Variants in ITIH3 observed in about 807,000 individuals in gnomAD.
The protein encoded by ITIH3 is inter-alpha-trypsin inhibitor heavy chain H3.
In ITIH3, 81 loss-of-function variants were observed where a neutral mutation model predicts 96.5. That is an observed-to-expected ratio of 0.84 (90% CI 0.70 to 1.01). The LOEUF is 1.01. Ranked by LOEUF, ITIH3 falls within the 50% of genes least tolerant of loss-of-function variation. The pLI, the probability that ITIH3 is intolerant of heterozygous loss-of-function variation, is 0.00. For missense variants in ITIH3, 1,057 were observed against 1,139.3 expected, an observed-to-expected ratio of 0.93 and a Z score of 1.04; for synonymous variants, 422 against 445.2, an observed-to-expected ratio of 0.95 and a Z score of 0.66.
At position 52,802,364 on chromosome 3, in the gene ITIH3, C is replaced by G; in HGVS notation, c.1414C>G (p.Leu472Val). The change falls in exon 12 of 22, where the codon CTG becomes GTG. Residue 472 changes from leucine (L) to valine (V), a missense_variant. Transcript: ENST00000449956. ...GFYEEVANPL[L>V]TGVEMEYPEN... ...CTATGAGGAGGTGGCCAACCCACTG[C>G]TGACGGGTGTGGAGATGGAGTACCC... is the stretch of plus-strand genomic sequence containing the variant. 6.2e-7 allele frequency: 1 copy of G among 1,613,974 alleles called. No homozygotes were observed. The highest frequency in any genetic ancestry group is 8.5e-7 in the Non-Finnish European group (1 of 1,179,884).
At chr3:52,800,045 G>T in intron 9 of ITIH3, 124 bp downstream of exon 9, 1 of 894,436 alleles carries the variant, frequency 1.1e-6, no homozygotes. Flanking sequence ...AGCTGGGGTA[G>T]AGGTGGGAGT....
chr3:52,796,892 C>T lies in ITIH3; in HGVS notation c.386+49C>T, dbSNP rs1314342330. 2.3e-6 allele frequency: 3 copies of T among 1,329,962 alleles called. No homozygotes were observed. In the African/African-American group the frequency reaches 4.4e-5, roughly 20 times the overall value. The allele number at this position is 1,329,962 out of a possible 1,614,324, so 82.4% of individuals were successfully genotyped here. A position where few individuals can be genotyped will look rare whatever the true frequency, so the allele number is the denominator to read the frequency against. On this transcript the variant is annotated intron_variant, in intron 4 of 21. Coordinates refer to ENST00000449956, the MANE Select transcript of ITIH3 (RefSeq NM_002217.4). ...GGGGAGAATGTCTGGGATCCAAGGG[C>T]CTTCAGGGCTACAAACAACAACAAC...
chr3:52,805,283 C>G (rs773506169), intron 15 of ITIH3: 2 of 1,009,338 alleles, frequency 2.0e-6, no homozygotes, highest in Non-Finnish European at 2.4e-6. Context: ...CCAGCCCCTA[C>G]TGGCCTGCCC....
chr3:52,798,007 G>C, intron 6 of ITIH3, 77 bp downstream of exon 6: 4 of 847,970 alleles, frequency 4.7e-6, no homozygotes, highest in Non-Finnish European at 7.6e-6. Context: ...CTGCAGCCTA[G>C]GGCTTAGCTG....
intron 11 of ITIH3, 82 bp from the exon 12 acceptor site, chr3:52,802,252 C>A: frequency 6.9e-7 from 1 of 1,456,412 alleles, no homozygotes; most frequent in Non-Finnish European, 9.4e-7. Context: ...ACGGGCCCAG[C>A]CCTGGGGCAT....
intron 13 of ITIH3, 24 bp from the exon 14 acceptor site, chr3:52,803,831 C>T: frequency 6.2e-7 from 1 of 1,613,240 alleles, no homozygotes; most frequent in Middle Eastern, 1.7e-4. Flanking sequence ...CCAGGCTGTC[C>T]TCCTGACTGG....
At chr3:52,799,962 C>T in intron 9 of ITIH3, 41 bp downstream of exon 9, 2 of 1,588,592 alleles carry the variant, frequency 1.3e-6, no homozygotes, top group East Asian at 2.2e-5. Context: ...CTAGCGGTGC[C>T]TCCCTCTGTC....
At position 52,800,680 on chromosome 3, in the gene ITIH3, T is replaced by G. The variant is rs773766019; in HGVS notation, c.1201+17T>G. 6.3e-7 allele frequency: 1 copy of G among 1,597,310 alleles called. No individual in the cohort carries two copies. The highest frequency in any genetic ancestry group is 8.5e-7 in the Non-Finnish European group (1 of 1,172,130). Reference sequence around the variant, plus strand: ...CCAATGTTGGTGAGGAGCACGGGCATGGTTTTGAGCTAGGGCTGGAGTGCT... The same window carrying G: ...CCAATGTTGGTGAGGAGCACGGGCAGGGTTTTGAGCTAGGGCTGGAGTGCT... On this transcript the variant is annotated intron_variant, in intron 10 of 21. Coordinates refer to ENST00000449956, the MANE Select transcript of ITIH3 (RefSeq NM_002217.4).
intron 15 of ITIH3, 106 bp downstream of exon 15, chr3:52,804,840 T>A: frequency 7.8e-7 from 1 of 1,276,338 alleles, no homozygotes; most frequent in Non-Finnish European, 1.1e-6. Flanking sequence ...GGGGGCACAC[T>A]TGGGACACCT....
chr3:52,801,437 C>A (rs1394503063), intron 11 of ITIH3, among the ~76,000 whole-genome samples: 2 of 152,184 alleles, frequency 1.3e-5, no homozygotes, highest in Non-Finnish European at 2.9e-5. Flanking sequence ...TTGCACAGGA[C>A]ATTGTATTAG....
chr3:52,805,429 G>A (rs1468910231), intron 15 of ITIH3: 1 of 1,068,908 alleles, frequency 9.4e-7, no homozygotes, highest in Non-Finnish European at 1.1e-6. Context: ...ACGTGTGGGT[G>A]GGTGTTTACT....
chr3:52,798,531 C>T (rs553335085), intron 6 of ITIH3: 2 of 185,136 alleles, frequency 1.1e-5, no homozygotes, highest in Admixed American at 5.4e-5. Flanking sequence ...CTCCCCTCCT[C>T]TTGGCACCCA....
At chr3:52,801,287 G>A (rs2710334) in intron 11 of ITIH3, 141 bp downstream of exon 11, 32,021 of 721,162 alleles carry the variant, frequency 0.044, 4,762 homozygotes, top group African/African-American at 0.4. Flanking sequence ...TTACCCATCA[G>A]TAAAGATTCT....
chr3:52,797,075 G>A, intron 4 of ITIH3, 30 bp from the exon 5 acceptor site: 2 of 1,599,856 alleles, frequency 1.3e-6, no homozygotes, highest in South Asian at 1.1e-5. Flanking sequence ...TGCAGTCTTT[G>A]AGGGAGTCAC....
chr3:52,806,102 GCCAGCTACCAGCCTCCTCAAAA>G lies in ITIH3; in HGVS notation c.1909_1930del (p.Ser637ProfsTer83), dbSNP rs1248041189. 1 of 1,599,178 alleles carries G rather than the reference GCCAGCTACCAGCCTCCTCAAAA, an allele frequency of 6.3e-7. No homozygotes were observed. Among genetic ancestry groups the G allele is most frequent in the South Asian group, 1.1e-5 (1 of 88,406 alleles). ...AGCCCTCTCTCCCTTTGTATCTGCA[GCCAGCTACCAGCCTCCTCAAAA>G]CCCCTACTACTATGGTGAGTCCCTG... On this transcript the variant is annotated frameshift_variant and splice_region_variant, in exon 17 of 22. Transcript: ENST00000449956. LOFTEE classifies it high-confidence loss of function.
At chr3:52,808,479 C>T in intron 21 of ITIH3, 73 bp from the exon 22 acceptor site, 4 of 1,573,812 alleles carry the variant, frequency 2.5e-6, no homozygotes, top group Middle Eastern at 1.9e-4. Context: ...CACCCTTTTT[C>T]AATCTCAGGT....
chr3:52,807,015 T>C lies in ITIH3; in HGVS notation c.2171T>C (p.Val724Ala), dbSNP rs776169417. The change falls in exon 19 of 22, where the codon GTG (valine) becomes GCG (alanine). Residue 724 changes from valine (V) to alanine (A), a missense_variant. By Grantham distance (64) the Val-to-Ala change is moderately conservative. Coordinates refer to ENST00000449956, the MANE Select transcript of ITIH3 (RefSeq NM_002217.4). ...GCCAATGCTCAGATGGACTTCCAGG[T>C]GGAGGTGACAACGGAGAAGATCACC... ...GIANAQMDFQ[V>A]EVTTEKITLW... is the part of the protein sequence containing the mutation. 2 of 1,601,072 alleles carry C rather than the reference T, an allele frequency of 1.2e-6. No individual in the cohort carries two copies. Among genetic ancestry groups the C allele is most frequent in the South Asian group, 2.3e-5 (2 of 88,350 alleles).
At chr3:52,803,447 T>C in intron 13 of ITIH3, among the ~76,000 whole-genome samples, 1 of 151,648 alleles carries the variant, frequency 6.6e-6, no homozygotes, top group East Asian at 1.9e-4. Context: ...GCCTCCCAAG[T>C]AGCTGGAATT....
intron 4 of ITIH3, 76 bp downstream of exon 4, chr3:52,796,919 G>A: frequency 6.7e-6 from 8 of 1,199,480 alleles, no homozygotes; most frequent in Non-Finnish European, 9.4e-6. Flanking sequence ...AACAACAACA[G>A]CTATTATTAT....
Sources: allele counts gnomAD v4.1 joint callset (sites outside exome capture counted in the v4.1 genomes callset), GRCh38; gene constraint gnomAD v4.1.1; transcripts MANE v1.5; gene names NCBI Gene and HGNC (gene_info 2026-07-23, HGNC 2026-07-21).